DACH2: variants seen among roughly 807,000 people sequenced by gnomAD.
DACH2 encodes the protein dachshund homolog 2.
In DACH2, 17 loss-of-function variants were observed where a neutral mutation model predicts 35.8. The observed-to-expected ratio is 0.48, with a 90% CI of 0.33 to 0.71. The LOEUF (loss-of-function observed/expected upper bound fraction) is 0.71. Ranked by LOEUF, DACH2 falls within the 30% of genes least tolerant of loss-of-function variation. The probability of loss-of-function intolerance (pLI) is 0.02; values close to 1 mark genes in which losing one functional copy is unlikely to be tolerated. For missense variants in DACH2, 469 were observed against 472.7 expected, an observed-to-expected ratio of 0.99 and a Z score of 0.07; for synonymous variants, 195 against 177.3, an observed-to-expected ratio of 1.10 and a Z score of -0.79.
chrX:86,151,096 C>T (rs2030347649), intron 1 of DACH2, among the ~76,000 whole-genome samples: 1 of 110,945 alleles, frequency 9.0e-6, no homozygotes, highest in Non-Finnish European at 1.9e-5. Context: ...ATACTTTTCT[C>T]TATAAATGGA....
intron 2 of DACH2, among the ~76,000 whole-genome samples, chrX:86,486,833 T>A (rs968448010): frequency 2.1e-4 from 23 of 112,008 alleles, no homozygotes; most frequent in African/African-American, 7.5e-4. Context: ...ATTTAGAGAA[T>A]TAAGTTGATG....
chrX:86,206,920 G>A (rs2032327786), intron 1 of DACH2, among the ~76,000 whole-genome samples: 1 of 111,596 alleles, frequency 9.0e-6, no homozygotes, highest in Non-Finnish European at 1.9e-5. Flanking sequence ...TTGCATAATT[G>A]GGTAAGCACC....
intron 3 of DACH2, among the ~76,000 whole-genome samples, chrX:86,520,956 C>T (rs1234170001): frequency 9.0e-6 from 1 of 111,157 alleles, no homozygotes; most frequent in African/African-American, 3.3e-5. Context: ...TATTAGCTTG[C>T]TATTATGTTG....
rs116602353 is a variant in DACH2, at chrX:86,332,354, G to A, written c.489-44470G>A. Reference sequence around the variant, plus strand: ...TCTAAGAATCATAATTGTGGCCTCCGACTACCAGGTATTGGTTCTATTTTT... The same window carrying A: ...TCTAAGAATCATAATTGTGGCCTCCAACTACCAGGTATTGGTTCTATTTTT... On this transcript the variant is annotated intron_variant, in intron 1 of 11. Coordinates refer to ENST00000373125, the MANE Select transcript of DACH2 (RefSeq NM_053281.3). 5.1e-3 allele frequency among the ~76,000 whole-genome samples: 563 copies of A among 111,079 alleles called. 4 individuals are homozygous for A. The highest frequency in any genetic ancestry group is 0.017 in the African/African-American group (530 of 30,631).
rs1225865305 is a variant in DACH2, at chrX:86,270,022, ATTATATATATATATATATT to A, written c.489-106799_489-106781del. 5.0e-5 allele frequency among the ~76,000 whole-genome samples: 5 copies of A among 100,073 alleles called. No individual in the cohort carries two copies. In the East Asian group the frequency reaches 1.5e-3, roughly 30 times the overall value. 86.9% of individuals were successfully genotyped at this position (100,073 alleles called of 115,157 possible). On this transcript the variant is annotated intron_variant, in intron 1 of 11. Coordinates refer to ENST00000373125, the MANE Select transcript of DACH2 (RefSeq NM_053281.3). ...TCATGTTTTAATTATATATATATAT[ATTATATATATATATATATT>A]TTTTTTTTTTCCTAAAGAGTTTACC...
At chrX:86,245,334 T>C (rs1244994681) in intron 1 of DACH2, among the ~76,000 whole-genome samples, 1 of 111,817 alleles carries the variant, frequency 8.9e-6, no homozygotes, top group Non-Finnish European at 1.9e-5. Flanking sequence ...TGCATGCTTA[T>C]GGACTCTGTT....
At chrX:86,268,529 ATTTTATTTTATTTT>A (rs1379983807) in intron 1 of DACH2, among the ~76,000 whole-genome samples, 1 of 102,254 alleles carries the variant, frequency 9.8e-6, no homozygotes, top group African/African-American at 3.6e-5. Context: ...ATTTTATTTT[ATTTTATTTTATTTT>A]ATTTTATTTG....
chrX:86,462,651 G>A (rs2037595620), intron 2 of DACH2, among the ~76,000 whole-genome samples: 1 of 111,308 alleles, frequency 9.0e-6, no homozygotes, highest in Non-Finnish European at 1.9e-5. Context: ...TATATATTTG[G>A]TGTTTGGATG....
chrX:86,711,455 G>A (rs972722627), intron 5 of DACH2, among the ~76,000 whole-genome samples: 13 of 112,005 alleles, frequency 1.2e-4, no homozygotes, highest in African/African-American at 4.2e-4. Context: ...CTTGCATAAT[G>A]TCCGCGAAGT....
intron 3 of DACH2, among the ~76,000 whole-genome samples, chrX:86,625,557 C>T (rs1218899469): frequency 9.0e-6 from 1 of 110,570 alleles, no homozygotes; most frequent in African/African-American, 3.3e-5. Context: ...GAGGCAATAC[C>T]CTAAACCCCA....
At chrX:86,781,503 C>T (rs1023124466) in intron 7 of DACH2, among the ~76,000 whole-genome samples, 7 of 111,331 alleles carry the variant, frequency 6.3e-5, no homozygotes, top group Non-Finnish European at 1.1e-4. Flanking sequence ...GAACTATCAG[C>T]GTTCTCCATA....
rs772479124 is a variant in DACH2, at chrX:86,534,133, C to A, written c.640+19742C>A. 4.5e-5 allele frequency among the ~76,000 whole-genome samples: 5 copies of A among 111,978 alleles called. No individual in the cohort carries two copies. In the East Asian group the frequency reaches 1.4e-3, roughly 32 times the overall value. ...GAATTTGTTAATTTGAAACCTTGGT[C>A]ACTTGTCTTTGCAGTATTCCATGAC... On this transcript the variant is annotated intron_variant, in intron 3 of 11. Transcript: ENST00000373125.
chrX:86,725,142 T>C (rs1185571068), intron 6 of DACH2, among the ~76,000 whole-genome samples: 3 of 111,270 alleles, frequency 2.7e-5, no homozygotes. Context: ...TGATTGAGCT[T>C]CTCTAAAATT....
intron 3 of DACH2, among the ~76,000 whole-genome samples, chrX:86,583,865 G>A (rs1452239524): frequency 9.1e-6 from 1 of 110,109 alleles, no homozygotes; most frequent in Non-Finnish European, 1.9e-5. Flanking sequence ...ATTGTTGAGA[G>A]AGATTCATAT....
intron 1 of DACH2, among the ~76,000 whole-genome samples, chrX:86,166,062 T>C (rs1294029344): frequency 9.0e-6 from 1 of 111,710 alleles, no homozygotes; most frequent in Non-Finnish European, 1.9e-5. Flanking sequence ...CATTTCCACC[T>C]TTCCCAGCAC....
chrX:86,648,607 G>A (rs894234507), intron 3 of DACH2, among the ~76,000 whole-genome samples: 1 of 110,568 alleles, frequency 9.0e-6, no homozygotes. Context: ...GTGCTGTACT[G>A]AAGACTAAAC....
intron 1 of DACH2, among the ~76,000 whole-genome samples, chrX:86,305,742 A>C (rs1156589793): frequency 9.0e-6 from 1 of 111,608 alleles, no homozygotes; most frequent in Non-Finnish European, 1.9e-5. Context: ...GAAAAAAAAA[A>C]CACCCTAAAT....
chrX:86,611,953 G>A (rs1414331661), intron 3 of DACH2, among the ~76,000 whole-genome samples: 1 of 99,700 alleles, frequency 1.0e-5, no homozygotes, highest in East Asian at 3.5e-4. Flanking sequence ...TGAAGTTGTT[G>A]TTCCTGTGTG....
intron 1 of DACH2, among the ~76,000 whole-genome samples, chrX:86,265,678 T>C (rs764771732): frequency 1.8e-5 from 2 of 111,793 alleles, no homozygotes; most frequent in South Asian, 7.5e-4. Context: ...TTGGTGCCTG[T>C]TAAAGCATAT....
Sources: gnomAD v4.1 joint callset for allele counts (sites outside exome capture counted in the v4.1 genomes callset) on GRCh38, gnomAD v4.1.1 for gene constraint, MANE v1.5 for transcripts, NCBI Gene and HGNC (gene_info 2026-07-23, HGNC 2026-07-21) for gene names.